The following ERBB4 variants were observed in gnomAD, a reference collection of about 807,000 sequenced individuals.
ERBB4 encodes erb-b2 receptor tyrosine kinase 4.
ERBB4 carries 42 observed loss-of-function variants against 158.0 expected under a neutral mutation model. That is an observed-to-expected ratio of 0.27 (90% CI 0.21 to 0.34). ERBB4 has a LOEUF of 0.34. Among genes scored for constraint, ERBB4 ranks in the 10% least tolerant of loss-of-function variants. The pLI, the probability that ERBB4 is intolerant of heterozygous loss-of-function variation, is 1.00. For synonymous variants in ERBB4, 583 were observed against 558.7 expected (o/e 1.04, Z -0.61); for missense variants, 1,333 against 1,624.1 (o/e 0.82, Z 3.08).
chr2:211,645,141 T>A (rs1018296543), intron 16 of ERBB4, among the ~76,000 whole-genome samples: 1 of 151,726 alleles, frequency 6.6e-6, no homozygotes, highest in African/African-American at 2.4e-5. Flanking sequence ...AACAAACGAC[T>A]CTAGAGAACA....
intron 2 of ERBB4, among the ~76,000 whole-genome samples, chr2:212,101,968 T>C (rs548337101): frequency 2.6e-5 from 4 of 151,574 alleles, no homozygotes; most frequent in East Asian, 1.9e-4. Context: ...TATTAGTTCC[T>C]TTGTAATGCT....
At position 212,522,124 on chromosome 2, in the gene ERBB4, G is replaced by C. The variant is rs367745405; in HGVS notation, c.82+16325C>G. 2.6e-5 allele frequency among the ~76,000 whole-genome samples: 4 copies of C among 152,044 alleles called. No individual in the cohort carries two copies. In the East Asian group the frequency reaches 7.7e-4, roughly 29 times the overall value. On this transcript the variant is annotated intron_variant, in intron 1 of 27. Transcript: ENST00000342788. ...GCCATATATAAAATGTTGATATTTA[G>C]ACTATGTGAATTTAATAGGAGCCTA... is the stretch of plus-strand genomic sequence containing the variant.
At chr2:211,995,964 A>G (rs1221154121) in intron 2 of ERBB4, among the ~76,000 whole-genome samples, 1 of 152,200 alleles carries the variant, frequency 6.6e-6, no homozygotes, top group African/African-American at 2.4e-5. Context: ...TGGTCAGCTT[A>G]GGTCAATCGG....
At chr2:212,293,847 C>CAAAAAAAAAAA (rs1201724620) in intron 1 of ERBB4, among the ~76,000 whole-genome samples, 1 of 63,784 alleles carries the variant, frequency 1.6e-5, no homozygotes, top group Non-Finnish European at 2.5e-5. Context: ...GACTCTGTCT[C>CAAAAAAAAAAA]AAAAAAAAAA....
At chr2:211,438,974 CCAAT>C (rs2063915161) in intron 20 of ERBB4, among the ~76,000 whole-genome samples, 1 of 145,456 alleles carries the variant, frequency 6.9e-6, no homozygotes, top group African/African-American at 2.7e-5. Flanking sequence ...ACAGATAGTC[CCAAT>C]AATATATTTG....
intron 1 of ERBB4, among the ~76,000 whole-genome samples, chr2:212,420,398 T>C (rs952746957): frequency 7.9e-5 from 12 of 152,104 alleles, no homozygotes; most frequent in Non-Finnish European, 1.8e-4. Flanking sequence ...CATTTAAAAA[T>C]GTTTTTCTGT....
chr2:212,443,944 G>T (rs1236765507), intron 1 of ERBB4, among the ~76,000 whole-genome samples: 1 of 152,110 alleles, frequency 6.6e-6, no homozygotes, highest in Non-Finnish European at 1.5e-5. Context: ...CATGAACTGG[G>T]TGCTTTCTGA....
At chr2:212,506,915 C>T (rs145104282) in intron 1 of ERBB4, among the ~76,000 whole-genome samples, 1 of 152,232 alleles carries the variant, frequency 6.6e-6, no homozygotes, top group African/African-American at 2.4e-5. Context: ...GGAGATAAGA[C>T]AGCCTTCTAT....
intron 1 of ERBB4, among the ~76,000 whole-genome samples, chr2:212,183,725 C>T (rs2081939645): frequency 6.6e-6 from 1 of 151,850 alleles, no homozygotes; most frequent in South Asian, 2.1e-4. Context: ...CATGAAAGAA[C>T]ATTTTTCAGG....
At chr2:212,051,905 T>C (rs192266601) in intron 2 of ERBB4, among the ~76,000 whole-genome samples, 16 of 152,318 alleles carry the variant, frequency 1.1e-4, no homozygotes, top group Admixed American at 5.2e-4. Context: ...CAGAGTCAGA[T>C]TGAGGTTCAG....
rs570161228 is a variant in ERBB4, at chr2:211,758,521, C to G, written c.557-7817G>C. 4.5e-3 allele frequency among the ~76,000 whole-genome samples: 691 copies of G among 152,242 alleles called. 5 individuals are homozygous for G. Among genetic ancestry groups the G allele is most frequent in the African/African-American group, 0.016 (662 of 41,540 alleles). The stretch of plus-strand genomic sequence containing the variant: ...ATAGCTGCTAGCACAAAGTAGAATA[C>G]AGAAATTCCACCTACTGTGGAACAG... On this transcript the variant is annotated intron_variant, in intron 4 of 27. Coordinates refer to ENST00000342788, the MANE Select transcript of ERBB4 (RefSeq NM_005235.3).
intron 2 of ERBB4, among the ~76,000 whole-genome samples, chr2:212,057,903 T>C (rs1480923448): frequency 6.6e-6 from 1 of 152,104 alleles, no homozygotes; most frequent in Non-Finnish European, 1.5e-5. Flanking sequence ...ATTCAAAAGC[T>C]AGCAGAAGGC....
At chr2:211,415,041 T>G (rs1036209067) in intron 25 of ERBB4, among the ~76,000 whole-genome samples, 17 of 151,200 alleles carry the variant, frequency 1.1e-4, no homozygotes, top group Admixed American at 3.3e-4. Flanking sequence ...TTTTTATTAT[T>G]TCATAAAGGG....
At chr2:211,586,804 A>T (rs2068292912) in intron 19 of ERBB4, among the ~76,000 whole-genome samples, 1 of 152,152 alleles carries the variant, frequency 6.6e-6, no homozygotes, top group South Asian at 2.1e-4. Context: ...TACAAAATAC[A>T]CTTCAGTCAG....
At chr2:212,205,478 G>T (rs535128456) in intron 1 of ERBB4, among the ~76,000 whole-genome samples, 1 of 151,996 alleles carries the variant, frequency 6.6e-6, no homozygotes, top group Non-Finnish European at 1.5e-5. Context: ...AAAAACAAAC[G>T]GTCATTTTAT....
At chr2:212,093,521 A>G (rs1381142310) in intron 2 of ERBB4, among the ~76,000 whole-genome samples, 2 of 152,320 alleles carry the variant, frequency 1.3e-5, no homozygotes, top group Non-Finnish European at 1.5e-5. Flanking sequence ...AAGAATTACA[A>G]TGATGAGGAG....
chr2:211,584,275 T>G (rs1023656898), intron 19 of ERBB4, among the ~76,000 whole-genome samples: 9 of 152,074 alleles, frequency 5.9e-5, no homozygotes, highest in African/African-American at 2.2e-4. Context: ...GTATTTTGTT[T>G]TTGTTGTTAT....
intron 1 of ERBB4, among the ~76,000 whole-genome samples, chr2:212,446,637 A>ATATATATTT (rs1574935617): frequency 1.0e-5 from 1 of 99,350 alleles, no homozygotes; most frequent in Non-Finnish European, 2.1e-5. Flanking sequence ...ATATATATAT[A>ATATATATTT]TCCTATTAGT....
chr2:211,555,343 G>A (rs1375919195), intron 20 of ERBB4, among the ~76,000 whole-genome samples: 1 of 152,084 alleles, frequency 6.6e-6, no homozygotes, highest in Non-Finnish European at 1.5e-5. Context: ...GTGCCCCTAT[G>A]CCCGGCTAAT....
Sources: allele counts gnomAD v4.1 joint callset (sites outside exome capture counted in the v4.1 genomes callset), GRCh38; gene constraint gnomAD v4.1.1; transcripts MANE v1.5; gene names NCBI Gene and HGNC (gene_info 2026-07-23, HGNC 2026-07-21).